Variants in LRBA observed in about 807,000 individuals in gnomAD.
LRBA encodes the protein lipopolysaccharide-responsive and beige-like anchor protein.
A neutral mutation model predicts 330.0 loss-of-function variants in LRBA; 176 were observed. That is an observed-to-expected ratio of 0.53 (90% CI 0.47 to 0.60). The LOEUF is 0.60. LRBA is among the 20% of genes least tolerant of loss of function. LRBA has a pLI of 0.00. For missense variants in LRBA, 3,259 were observed against 3,444.8 expected (o/e 0.95, Z 1.35); for synonymous variants, 1,230 against 1,193.0 (o/e 1.03, Z -0.64).
intron 40 of LRBA, among the ~76,000 whole-genome samples, chr4:150,585,056 A>T (rs909850264): frequency 6.6e-6 from 1 of 152,196 alleles, no homozygotes; most frequent in African/African-American, 2.4e-5. Flanking sequence ...TTATGCCATA[A>T]TTTCAAAAAA....
chr4:150,480,939 C>T (rs1757226189), intron 42 of LRBA, among the ~76,000 whole-genome samples: 1 of 152,126 alleles, frequency 6.6e-6, no homozygotes, highest in Non-Finnish European at 1.5e-5. Flanking sequence ...ATTCCTCAGT[C>T]CAGCTCTTAT....
At chr4:150,520,302 T>C (rs1452551586) in intron 40 of LRBA, among the ~76,000 whole-genome samples, 1 of 152,206 alleles carries the variant, frequency 6.6e-6, no homozygotes, top group African/African-American at 2.4e-5. Flanking sequence ...GTTGAATTGA[T>C]AGATAAATTT....
intron 37 of LRBA, among the ~76,000 whole-genome samples, chr4:150,625,827 A>T (rs1776800273): frequency 6.6e-6 from 1 of 151,712 alleles, no homozygotes; most frequent in Non-Finnish European, 1.5e-5. Context: ...CTCCTGTCTC[A>T]GCCTGCCGAG....
intron 47 of LRBA, among the ~76,000 whole-genome samples, chr4:150,411,339 G>A (rs1004815477): frequency 2.0e-5 from 3 of 152,108 alleles, no homozygotes; most frequent in Non-Finnish European, 2.9e-5. Flanking sequence ...AACACAAACA[G>A]GGAATGTAGC....
Position 150,953,620 on chromosome 4 carries a change from T to A in LRBA, c.217-24555A>T, listed in dbSNP as rs1409804682. Among the ~76,000 whole-genome samples the A allele has an allele frequency of 2.6e-5, 4 of 152,026 alleles. No individual in the cohort carries two copies. In the East Asian group the frequency reaches 7.7e-4, roughly 29 times the overall value. ...CGCGAGTGATCTGCCAGCCCGGGCC[T>A]CCCGAGGTGCCGGGATTGCAGACAG... is the stretch of plus-strand genomic sequence containing the variant. On this transcript the variant is annotated intron_variant, in intron 2 of 56. Coordinates refer to ENST00000651943, the MANE Select transcript of LRBA (RefSeq NM_001364905.1).
At chr4:150,489,066 ATATAT>A (rs376731524) in intron 41 of LRBA, among the ~76,000 whole-genome samples, 6,717 of 74,932 alleles carry the variant, frequency 0.09, 362 homozygotes, top group East Asian at 0.24. Context: ...AGAATATATA[ATATAT>A]TATATATAAT....
intron 47 of LRBA, among the ~76,000 whole-genome samples, chr4:150,388,034 T>C (rs539522173): frequency 1.4e-4 from 22 of 152,316 alleles, no homozygotes; most frequent in African/African-American, 4.8e-4. Flanking sequence ...AGAAATCTAG[T>C]TCTGAAGGCT....
intron 56 of LRBA, among the ~76,000 whole-genome samples, chr4:150,276,948 C>G (rs886455296): frequency 3.9e-5 from 6 of 152,202 alleles, no homozygotes; most frequent in Admixed American, 3.9e-4. Flanking sequence ...GATTATAAAT[C>G]ATTCTAGTAT....
At chr4:150,634,138 A>C (rs775697476) in intron 37 of LRBA, among the ~76,000 whole-genome samples, 1 of 152,124 alleles carries the variant, frequency 6.6e-6, no homozygotes, top group African/African-American at 2.4e-5. Flanking sequence ...TCCCGTCTTC[A>C]TCTAGCTACC....
chr4:150,629,586 C>T (rs1228009419), intron 37 of LRBA, among the ~76,000 whole-genome samples: 1 of 152,024 alleles, frequency 6.6e-6, no homozygotes, highest in African/African-American at 2.4e-5. Flanking sequence ...TTGCAGTGAG[C>T]CAAGGTCACA....
chr4:150,474,639 A>G (rs1206787438), intron 42 of LRBA, among the ~76,000 whole-genome samples: 3 of 152,114 alleles, frequency 2.0e-5, no homozygotes, highest in African/African-American at 7.2e-5. Flanking sequence ...GTCTCCATTT[A>G]TTAAGGTCTA....
At chr4:150,636,967 CAAT>C (rs1777986726) in intron 37 of LRBA, among the ~76,000 whole-genome samples, 1 of 151,984 alleles carries the variant, frequency 6.6e-6, no homozygotes, top group African/African-American at 2.4e-5. Flanking sequence ...TTTTTGATGC[CAAT>C]AATATGTCTA....
chr4:150,346,690 C>T (rs1036489335), intron 48 of LRBA, among the ~76,000 whole-genome samples: 2 of 125,588 alleles, frequency 1.6e-5, no homozygotes, highest in Non-Finnish European at 1.6e-5. Flanking sequence ...ACCTGGGAGG[C>T]GGAGGTTGCA....
chr4:150,273,639 A>G (rs1746411753), intron 56 of LRBA, among the ~76,000 whole-genome samples: 1 of 145,546 alleles, frequency 6.9e-6, no homozygotes, highest in Non-Finnish European at 1.5e-5. Flanking sequence ...AAATGGAAAG[A>G]AAAAAAAAAA....
intron 42 of LRBA, among the ~76,000 whole-genome samples, chr4:150,473,533 C>G (rs1756384687): frequency 6.6e-6 from 1 of 152,118 alleles, no homozygotes; most frequent in Non-Finnish European, 1.5e-5. Flanking sequence ...GGACTGAATA[C>G]AATGAGAAGG....
chr4:150,798,010 A>G (rs1741051391), intron 34 of LRBA, 71 bp downstream of exon 34: 1 of 1,022,862 alleles, frequency 9.8e-7, no homozygotes, highest in Admixed American at 2.0e-5. Flanking sequence ...TAATGCAAAT[A>G]TAAAATCCCC....
At chr4:150,708,300 T>C (rs937076674) in intron 36 of LRBA, among the ~76,000 whole-genome samples, 4 of 151,866 alleles carry the variant, frequency 2.6e-5, no homozygotes, top group South Asian at 2.1e-4. Context: ...CAAAGCAAAC[T>C]TGTCTAAATC....
At position 150,828,194 on chromosome 4, in the gene LRBA, G is replaced by A. The variant is rs754700810; in HGVS notation, c.5157C>T (p.Phe1719=). ...ATTATCAGTACCTGTCAAAAGATCT[G>A]AACTGCACGGGTTGTTCCACAGATA... The part of the protein sequence containing the change: ...GDLSVEQPVQ[F]RSFDRSVIVA... Residue 1719 remains phenylalanine (F), a synonymous_variant, in exon 30 of 57, where the codon TTC becomes TTT. Coordinates refer to ENST00000651943, the MANE Select transcript of LRBA (RefSeq NM_001364905.1). 5 of 1,613,976 alleles carry A rather than the reference G, an allele frequency of 3.1e-6. No homozygotes were observed. Among genetic ancestry groups the A allele is most frequent in the Non-Finnish European group, 4.2e-6 (5 of 1,179,932 alleles).
intron 2 of LRBA, chr4:150,970,564 C>A (rs1227322685): frequency 1.5e-5 from 2 of 136,080 alleles, no homozygotes; most frequent in African/African-American, 5.6e-5. Flanking sequence ...TGTACACACA[C>A]ACACACACAC....
Sources: allele counts gnomAD v4.1 joint callset (sites outside exome capture counted in the v4.1 genomes callset), GRCh38; gene constraint gnomAD v4.1.1; transcripts MANE v1.5; gene names NCBI Gene and HGNC (gene_info 2026-07-23, HGNC 2026-07-21).